Variants in NDC1 observed in about 807,000 individuals in gnomAD.
NDC1 encodes nucleoporin NDC1.
Under a neutral mutation model 89.8 loss-of-function variants are expected in NDC1, and 24 were observed. That is an observed-to-expected ratio of 0.27 (90% CI 0.19 to 0.38). The LOEUF (loss-of-function observed/expected upper bound fraction) is 0.38, where lower values mean the gene tolerates loss of function less well. NDC1 is among the 10% of genes least tolerant of loss of function. The pLI, the probability that NDC1 is intolerant of heterozygous loss-of-function variation, is 1.00. For synonymous variants in NDC1, 296 were observed against 284.8 expected, an observed-to-expected ratio of 1.04 and a Z score of -0.39; for missense variants, 728 against 797.6, an observed-to-expected ratio of 0.91 and a Z score of 1.05.
Position 53,803,981 on chromosome 1 carries a change from AGCAACATCAGGTCCT to A in NDC1, c.998_1012del (p.Gln333_Leu337del). On this transcript the variant is annotated inframe_deletion, in exon 10 of 18. Coordinates refer to ENST00000371429, the MANE Select transcript of NDC1 (RefSeq NM_018087.5). Reference sequence around the variant, plus strand: ...TCTTCGTGAAGGAGAATATTGAGAAAGCAACATCAGGTCCTGCAAGGCTAAATACTAACAGGGGGA... The same window carrying A: ...TCTTCGTGAAGGAGAATATTGAGAAAGCAAGGCTAAATACTAACAGGGGGA... The A allele has an allele frequency of 6.2e-7, 1 of 1,614,094 alleles. No individual in the cohort carries two copies. The highest frequency in any genetic ancestry group is 8.5e-7 in the Non-Finnish European group (1 of 1,179,928).
Position 53,832,552 on chromosome 1 carries a change from T to A in NDC1, c.218A>T (p.Tyr73Phe). Residue 73 changes from tyrosine to phenylalanine, a missense_variant, in exon 3 of 18, where the codon TAC becomes TTC. Coordinates refer to ENST00000371429, the MANE Select transcript of NDC1 (RefSeq NM_018087.5). ...TATTACCACTGACAGCAGCAGGAAGTAAAAGATTACATAGGAACTATACAG... is the reference window on the plus strand; with the variant it reads ...TATTACCACTGACAGCAGCAGGAAGAAAAAGATTACATAGGAACTATACAG... ...SDLYSSYVIF[Y>F]FLLLSVVIII... 6.3e-7 allele frequency: 1 copy of A among 1,599,568 alleles called. No homozygotes were observed. The highest frequency in any genetic ancestry group is 8.6e-7 in the Non-Finnish European group (1 of 1,166,934).
intron 2 of NDC1, 87 bp downstream of exon 2, chr1:53,835,413 T>G: frequency 9.3e-7 from 1 of 1,080,880 alleles, no homozygotes; most frequent in Non-Finnish European, 1.3e-6. Flanking sequence ...TAGGCAGTAA[T>G]TGAAAATAAA....
chr1:53,807,106 G>A (rs185048049), intron 8 of NDC1, among the ~76,000 whole-genome samples: 2 of 151,894 alleles, frequency 1.3e-5, no homozygotes, highest in Non-Finnish European at 2.9e-5. Flanking sequence ...AATTAGCCGG[G>A]CATGGTGGCA....
intron 14 of NDC1, among the ~76,000 whole-genome samples, chr1:53,789,748 G>A (rs572747920): frequency 7.3e-4 from 109 of 150,222 alleles, no homozygotes; most frequent in African/African-American, 2.6e-3. Flanking sequence ...GCAGTGAGCT[G>A]AGATCGCGCC....
intron 16 of NDC1, 61 bp from the exon 17 acceptor site, chr1:53,772,550 G>T: frequency 6.5e-7 from 1 of 1,527,262 alleles, no homozygotes; most frequent in Non-Finnish European, 9.0e-7. Flanking sequence ...TAGGCCAGGT[G>T]CTGTGGCTCA....
At chr1:53,789,260 A>G in intron 14 of NDC1, 64 bp from the exon 15 acceptor site, 2 of 1,019,874 alleles carry the variant, frequency 2.0e-6, no homozygotes, top group Non-Finnish European at 3.0e-6. Flanking sequence ...TATTTCCTTT[A>G]ATTAAATATG....
At chr1:53,808,414 C>T (rs1220629156) in intron 7 of NDC1, among the ~76,000 whole-genome samples, 2 of 152,218 alleles carry the variant, frequency 1.3e-5, no homozygotes, top group Non-Finnish European at 2.9e-5. Flanking sequence ...AGGTAAATCA[C>T]TCCACCTATC....
intron 16 of NDC1, 67 bp from the exon 17 acceptor site, chr1:53,772,556 GCT>G: frequency 6.8e-7 from 1 of 1,478,188 alleles, no homozygotes; most frequent in Non-Finnish European, 9.3e-7. Context: ...AGGTGCTGTG[GCT>G]CACATGTGTA....
At chr1:53,788,585 C>T (rs1001160315) in intron 15 of NDC1, among the ~76,000 whole-genome samples, 1 of 151,990 alleles carries the variant, frequency 6.6e-6, no homozygotes, top group African/African-American at 2.4e-5. Context: ...TGCCAGCATG[C>T]CCGGCTAATT....
intron 7 of NDC1, among the ~76,000 whole-genome samples, chr1:53,808,232 A>G (rs930494336): frequency 7.9e-5 from 12 of 152,352 alleles, no homozygotes; most frequent in African/African-American, 9.6e-5. Flanking sequence ...ACATGCTACT[A>G]AACAATGTTA....
At chr1:53,825,336 C>A (rs1181169747) in intron 5 of NDC1, among the ~76,000 whole-genome samples, 1 of 150,992 alleles carries the variant, frequency 6.6e-6, no homozygotes, top group Non-Finnish European at 1.5e-5. Context: ...ATGAACTGGG[C>A]GTGATGGCAT....
At chr1:53,785,583 A>AT (rs1304083859) in intron 16 of NDC1, among the ~76,000 whole-genome samples, 1 of 151,980 alleles carries the variant, frequency 6.6e-6, no homozygotes, top group Admixed American at 6.6e-5. Flanking sequence ...ATTATCTTTT[A>AT]TTTTTTTGAG....
At position 53,789,116 on chromosome 1, in the gene NDC1, TCA is replaced by T. The variant is rs756102709; in HGVS notation, c.1699+15_1699+16del. The T allele has an allele frequency of 3.3e-6, 5 of 1,527,880 alleles. No homozygotes were observed. The East Asian group carries it at 6.8e-5, about 21-fold the overall frequency. The allele number at this position is 1,527,880 out of a possible 1,614,324, so 94.6% of individuals were successfully genotyped here. ...TGACAATTAAAATCATAGTTACAGT[TCA>T]CAGTCATTGCTTACCTTCTAATGCC... On this transcript the variant is annotated intron_variant, in intron 15 of 17. Coordinates refer to ENST00000371429, the MANE Select transcript of NDC1 (RefSeq NM_018087.5).
chr1:53,813,180 T>C (rs930976572), intron 6 of NDC1, among the ~76,000 whole-genome samples: 11 of 152,116 alleles, frequency 7.2e-5, no homozygotes, highest in Admixed American at 3.3e-4. Context: ...AAACAGGACC[T>C]ATAAAACAAA....
intron 2 of NDC1, among the ~76,000 whole-genome samples, chr1:53,834,866 G>A (rs548123992): frequency 9.5e-4 from 145 of 152,238 alleles, no homozygotes; most frequent in Non-Finnish European, 1.6e-3. Flanking sequence ...CCAGCACTTC[G>A]GGAGGCTGAG....
At position 53,816,659 on chromosome 1, in the gene NDC1, A is replaced by C. The variant is rs543378867; in HGVS notation, c.703+2312T>G. On this transcript the variant is annotated intron_variant, in intron 6 of 17. Transcript: ENST00000371429. ...GAAACAAAAAACAAAAAAAAAAAAAACAGCAAAGTAAGCAGACAACCCACA... is the reference window on the plus strand; with the variant it reads ...GAAACAAAAAACAAAAAAAAAAAAACCAGCAAAGTAAGCAGACAACCCACA... Among the ~76,000 whole-genome samples the C allele has an allele frequency of 2.0e-4, 31 of 151,898 alleles. No individual in the cohort carries two copies. In the East Asian group the frequency reaches 5.4e-3, roughly 26 times the overall value.
chr1:53,797,566 A>G lies in NDC1; in HGVS notation c.1223-422T>C, dbSNP rs544229295. On this transcript the variant is annotated intron_variant, in intron 11 of 17. Transcript: ENST00000371429. ...CATACCAAATCTATATTGTGAACAT[A>G]TACAGGAAAAAAATATTAACCTTAC... Among the ~76,000 whole-genome samples, 6 of 152,318 alleles carry G rather than the reference A, an allele frequency of 3.9e-5. No homozygotes were observed. The South Asian group carries it at 1.2e-3, about 32-fold the overall frequency.
At chr1:53,800,332 C>CTTTTTTTT (rs1158363485) in intron 11 of NDC1, among the ~76,000 whole-genome samples, 11 of 80,646 alleles carry the variant, frequency 1.4e-4, no homozygotes, top group Admixed American at 5.4e-4. Context: ...CTACAGTCAT[C>CTTTTTTTT]TTTTTTTTTT....
intron 5 of NDC1, among the ~76,000 whole-genome samples, chr1:53,820,701 CTTTTTTTTTTTTT>C (rs927514677): frequency 3.5e-4 from 26 of 74,896 alleles, no homozygotes; most frequent in African/African-American, 1.4e-3. Context: ...ACTTCTCTCT[CTTTTTTTTTTTTT>C]TTTTTTTTTT....
Sources: gnomAD v4.1 joint callset for allele counts (sites outside exome capture counted in the v4.1 genomes callset) on GRCh38, gnomAD v4.1.1 for gene constraint, MANE v1.5 for transcripts, NCBI Gene and HGNC (gene_info 2026-07-23, HGNC 2026-07-21) for gene names.